CRB1: variants seen among roughly 807,000 people sequenced by gnomAD.
The protein encoded by CRB1 is crumbs cell polarity complex component 1, also known as protein crumbs homolog 1.
A neutral mutation model predicts 120.0 loss-of-function variants in CRB1; 83 were observed. The ratio of observed to expected loss-of-function variants is 0.69; its 90% CI spans 0.58 to 0.83. The LOEUF (loss-of-function observed/expected upper bound fraction) is 0.83, where lower values mean the gene tolerates loss of function less well. Ranked by LOEUF, CRB1 falls within the 40% of genes least tolerant of loss-of-function variation. The probability of loss-of-function intolerance (pLI) is 0.00; values close to 1 mark genes in which losing one functional copy is unlikely to be tolerated. For synonymous variants in CRB1, 625 were observed against 612.5 expected, an observed-to-expected ratio of 1.02 and a Z score of -0.30; for missense variants, 1,699 against 1,687.6, an observed-to-expected ratio of 1.01 and a Z score of -0.12.
intron 5 of CRB1, among the ~76,000 whole-genome samples, chr1:197,411,774 T>A (rs1663725501): frequency 6.6e-6 from 1 of 152,250 alleles, no homozygotes; most frequent in Admixed American, 6.5e-5. Flanking sequence ...CTTCCTTTTT[T>A]AACTTTTAGT....
chr1:197,243,122 A>C, the CRB1 span, among the ~76,000 whole-genome samples: 1 of 152,034 alleles, frequency 6.6e-6, no homozygotes, highest in East Asian at 1.9e-4. Context: ...TTTAAAAAAA[A>C]CCAGCTCCTG....
the CRB1 span, among the ~76,000 whole-genome samples, chr1:197,207,445 A>T: frequency 6.6e-6 from 1 of 152,130 alleles, no homozygotes; most frequent in Non-Finnish European, 1.5e-5. Flanking sequence ...GTTAGCCTGA[A>T]AAAAGACTGT....
intron 5 of CRB1, among the ~76,000 whole-genome samples, chr1:197,402,856 C>G (rs1663137878): frequency 6.6e-6 from 1 of 152,196 alleles, no homozygotes; most frequent in African/African-American, 2.4e-5. Flanking sequence ...CAGTTTTCCA[C>G]TTTTCTGCCC....
At position 197,356,911 on chromosome 1, in the gene CRB1, C is replaced by T. The variant is rs956216381; in HGVS notation, c.1069C>T (p.Leu357=). 6.2e-7 allele frequency: 1 copy of T among 1,614,066 alleles called. No homozygotes were observed. Among genetic ancestry groups the T allele is most frequent in the African/African-American group, 1.3e-5 (1 of 74,928 alleles). The change falls in exon 5 of 12, where the codon CTG becomes TTG. Residue 357 remains leucine, a synonymous_variant. Transcript: ENST00000367400. ...CCAGTCCAATGGGGAATGTGTGGAGCTGTCCTCAGAGAAACAATATGGACG... is the reference window on the plus strand; with the variant it reads ...CCAGTCCAATGGGGAATGTGTGGAGTTGTCCTCAGAGAAACAATATGGACG... ...PCQSNGECVE[L]SSEKQYGRIT... is the part of the protein sequence containing the mutation.
At chr1:197,355,431 C>T (rs576382523) in intron 4 of CRB1, among the ~76,000 whole-genome samples, 38 of 152,324 alleles carry the variant, frequency 2.5e-4, no homozygotes, top group South Asian at 2.1e-3. Flanking sequence ...TGGGACCCGG[C>T]GCCGCGGAGC....
intron 5 of CRB1, among the ~76,000 whole-genome samples, chr1:197,391,679 C>A (rs990340893): frequency 6.6e-6 from 1 of 152,002 alleles, no homozygotes; most frequent in South Asian, 2.1e-4. Context: ...ATCCAAGTGG[C>A]TGAGTTTTTC....
chr1:197,255,966 T>C, the CRB1 span, among the ~76,000 whole-genome samples: 57 of 15,092 alleles, frequency 3.8e-3, no homozygotes, highest in African/African-American at 0.021. Flanking sequence ...TAGAACATTT[T>C]ATATATATAT....
intron 5 of CRB1, among the ~76,000 whole-genome samples, chr1:197,376,853 C>A (rs191506113): frequency 1.9e-4 from 29 of 152,232 alleles, no homozygotes; most frequent in African/African-American, 6.5e-4. Flanking sequence ...TCTTGGAAGC[C>A]CTTGTGTGAT....
the CRB1 span, among the ~76,000 whole-genome samples, chr1:197,213,860 G>A: frequency 8.6e-5 from 13 of 151,834 alleles, no homozygotes; most frequent in East Asian, 3.9e-4. Context: ...ACAAAACACC[G>A]AAACTTACAG....
chr1:197,238,384 C>G, the CRB1 span, among the ~76,000 whole-genome samples: 1 of 152,058 alleles, frequency 6.6e-6, no homozygotes, highest in South Asian at 2.1e-4. Context: ...TATCATTATG[C>G]TTATCTCAAT....
At chr1:197,446,845 G>A (rs1665724468) in intron 11 of CRB1, among the ~76,000 whole-genome samples, 1 of 152,088 alleles carries the variant, frequency 6.6e-6, no homozygotes. Context: ...TTGGATAAAT[G>A]AATGAATTTA....
At position 197,435,538 on chromosome 1, in the gene CRB1, T is replaced by G. The variant is rs1665113317; in HGVS notation, c.3675T>G (p.Asn1225Lys). 1.2e-6 allele frequency: 2 copies of G among 1,613,400 alleles called. No homozygotes were observed. Among genetic ancestry groups the G allele is most frequent in the South Asian group, 2.2e-5 (2 of 90,996 alleles). ...IDNCQSHQCA[N>K]GATCISHTNG... Reference sequence around the variant, plus strand: ...ACTGCCAGAGTCACCAGTGTGCAAATGGAGCCACCTGCATTAGTCATACTA... The same window carrying G: ...ACTGCCAGAGTCACCAGTGTGCAAAGGGAGCCACCTGCATTAGTCATACTA... The change falls in exon 9 of 12, where the codon AAT becomes AAG. Residue 1225 changes from asparagine to lysine, a missense_variant. Asn to Lys is a moderately conservative substitution (Grantham distance 94, BLOSUM62 0). Coordinates refer to ENST00000367400, the MANE Select transcript of CRB1 (RefSeq NM_201253.3).
intron 5 of CRB1, among the ~76,000 whole-genome samples, chr1:197,378,217 A>C (rs1166345298): frequency 6.6e-6 from 1 of 152,216 alleles, no homozygotes; most frequent in Non-Finnish European, 1.5e-5. Context: ...TCAATTCTTC[A>C]AGTATCAAAC....
intron 11 of CRB1, among the ~76,000 whole-genome samples, chr1:197,463,238 T>G (rs555033509): frequency 6.6e-6 from 1 of 152,306 alleles, no homozygotes; most frequent in South Asian, 2.1e-4. Context: ...ATGCAGACAC[T>G]GTTTGTAAAG....
chr1:197,435,453 C>G lies in CRB1; in HGVS notation c.3590C>G (p.Ala1197Gly). The part of the protein sequence containing the change: ...IHGNCSDRVA[A>G]YHCTCEPGYT... ...GGCAACTGCTCTGACAGAGTTGCAG[C>G]CTACCACTGCACATGTGAGCCTGGA... The change falls in exon 9 of 12, where the codon GCC becomes GGC. Residue 1197 changes from alanine to glycine, a missense_variant. By Grantham distance (60) the Ala-to-Gly change is moderately conservative (BLOSUM62 0). Transcript: ENST00000367400. 5.6e-6 allele frequency: 9 copies of G among 1,595,276 alleles called. No individual in the cohort carries two copies. Among genetic ancestry groups the G allele is most frequent in the Non-Finnish European group, 7.7e-6 (9 of 1,170,328 alleles).
At chr1:197,293,008 G>A (rs1656284847) in intron 1 of CRB1, among the ~76,000 whole-genome samples, 1 of 152,082 alleles carries the variant, frequency 6.6e-6, no homozygotes, top group Non-Finnish European at 1.5e-5. Flanking sequence ...ACACAAGACA[G>A]AGATGCCCTC....
chr1:197,307,275 C>T (rs550004555), intron 1 of CRB1, among the ~76,000 whole-genome samples: 1 of 152,194 alleles, frequency 6.6e-6, no homozygotes, highest in Non-Finnish European at 1.5e-5. Flanking sequence ...GAGCAAATTA[C>T]TTCCCCAGTC....
In CRB1 at chr1:197,401,828, TTCTC is replaced by T. The variant is rs1663081193; in HGVS notation, c.1172-19170_1172-19167del. Among the ~76,000 whole-genome samples, 5 of 152,250 alleles carry T rather than the reference TTCTC, an allele frequency of 3.3e-5. No homozygotes were observed. In the South Asian group the frequency reaches 8.3e-4, roughly 25 times the overall value. On this transcript the variant is annotated intron_variant, in intron 5 of 11. Transcript: ENST00000367400. Reference sequence around the variant, plus strand: ...GTTATCTACAAATTTGAATGACAGTTTCTCTGTGCACAGAATTTCAGGGTCTCAG... The same window carrying T: ...GTTATCTACAAATTTGAATGACAGTTTGTGCACAGAATTTCAGGGTCTCAG...
At chr1:197,402,950 C>A (rs560800457) in intron 5 of CRB1, among the ~76,000 whole-genome samples, 2 of 152,302 alleles carry the variant, frequency 1.3e-5, no homozygotes, top group South Asian at 4.1e-4. Flanking sequence ...TCTTCTCTGT[C>A]TGTAGTCCTT....
Sources: gnomAD v4.1 joint callset for allele counts (sites outside exome capture counted in the v4.1 genomes callset) on GRCh38, gnomAD v4.1.1 for gene constraint, MANE v1.5 for transcripts, NCBI Gene and HGNC (gene_info 2026-07-23, HGNC 2026-07-21) for gene names.